TRPV5: variants seen among roughly 807,000 people sequenced by gnomAD.
TRPV5 encodes calcium transport protein 2.
In TRPV5, 66 loss-of-function variants were observed where a neutral mutation model predicts 74.1. The ratio of observed to expected loss-of-function variants is 0.89; its 90% CI spans 0.73 to 1.09. The LOEUF (loss-of-function observed/expected upper bound fraction) is 1.09, where lower values mean the gene tolerates loss of function less well. TRPV5 is among the 50% of genes least tolerant of loss of function. The probability of loss-of-function intolerance (pLI) is 0.00; values close to 1 mark genes in which losing one functional copy is unlikely to be tolerated. For synonymous variants in TRPV5, 399 were observed against 360.7 expected (o/e 1.11, Z -1.20); for missense variants, 936 against 930.4 (o/e 1.01, Z -0.08).
intron 13 of TRPV5, among the ~76,000 whole-genome samples, chr7:142,912,276 C>G (rs1329615665): frequency 1.3e-5 from 2 of 152,210 alleles, no homozygotes; most frequent in Non-Finnish European, 2.9e-5. Context: ...AACAACCCCA[C>G]CTCTTGCCAC....
intron 8 of TRPV5, among the ~76,000 whole-genome samples, chr7:142,917,084 T>A (rs10234523): frequency 0.02 from 3,104 of 151,510 alleles, 67 homozygotes; most frequent in Non-Finnish European, 0.035. Context: ...TTTTTGTGCG[T>A]TTTTTTTGTT....
At chr7:142,918,636 A>G (rs1372909868) in intron 8 of TRPV5, among the ~76,000 whole-genome samples, 1 of 152,212 alleles carries the variant, frequency 6.6e-6, no homozygotes, top group East Asian at 1.9e-4. Flanking sequence ...AATTCACTAG[A>G]TAATGTCTAA....
In TRPV5 at chr7:142,929,097, C is replaced by A; in HGVS notation, c.511G>T (p.Ala171Ser). ...ACGATCTCCTCGCTGTTCACACAGG[C>A]AGCAAAGGACAAAGGGTGCTCCCCT... is the stretch of plus-strand genomic sequence containing the variant. Reference protein sequence around the residue: ...YFGEHPLSFAACVNSEEIVRL... With the variant: ...YFGEHPLSFASCVNSEEIVRL... Residue 171 changes from alanine to serine, a missense_variant, in exon 5 of 15, where the codon GCC (alanine) becomes TCC (serine). Physicochemically the swap from Ala to Ser is moderately conservative, Grantham distance 99. Coordinates refer to ENST00000265310, the MANE Select transcript of TRPV5 (RefSeq NM_019841.7). 1 of 1,614,120 alleles carries A rather than the reference C, an allele frequency of 6.2e-7. No individual in the cohort carries two copies. Among genetic ancestry groups the A allele is most frequent in the South Asian group, 1.1e-5 (1 of 91,076 alleles).
chr7:142,933,238 C>G, intron 1 of TRPV5, 94 bp downstream of exon 1: 1 of 1,507,562 alleles, frequency 6.6e-7, no homozygotes, highest in Non-Finnish European at 9.0e-7. Context: ...TGACAATACA[C>G]TTCTAGGGTG....
At chr7:142,929,185 C>A in intron 4 of TRPV5, 65 bp from the exon 5 acceptor site, 1 of 1,577,064 alleles carries the variant, frequency 6.3e-7, no homozygotes, top group Middle Eastern at 1.7e-4. Context: ...GGCAGTCTCC[C>A]CCAAATAAGG....
chr7:142,916,888 A>C (rs1795808412), intron 8 of TRPV5, among the ~76,000 whole-genome samples: 1 of 108,740 alleles, frequency 9.2e-6, no homozygotes, highest in Non-Finnish European at 1.9e-5. Flanking sequence ...GACATCAGTC[A>C]ACACTTTTTT....
At chr7:142,921,343 G>T (rs754200689) in intron 8 of TRPV5, among the ~76,000 whole-genome samples, 23 of 152,110 alleles carry the variant, frequency 1.5e-4, no homozygotes, top group Non-Finnish European at 8.8e-5. Context: ...GTGCAATGGC[G>T]TGATCTCGGC....
intron 12 of TRPV5, among the ~76,000 whole-genome samples, chr7:142,914,367 T>A (rs1436558118): frequency 2.0e-5 from 3 of 152,158 alleles, no homozygotes; most frequent in Admixed American, 1.3e-4. Flanking sequence ...TTCCTGTCTC[T>A]CCTTTAAAGA....
intron 5 of TRPV5, 51 bp downstream of exon 5, chr7:142,928,971 G>C (rs1187107295): frequency 1.2e-6 from 2 of 1,612,756 alleles, no homozygotes; most frequent in East Asian, 2.2e-5. Context: ...TCCTTACCCT[G>C]TCCCTCGCTC....
Position 142,925,556 on chromosome 7 carries a change from G to A in TRPV5, c.1095C>T (p.Ile365=). 6.2e-7 allele frequency: 1 copy of A among 1,614,210 alleles called. No individual in the cohort carries two copies. Among genetic ancestry groups the A allele is most frequent in the Non-Finnish European group, 8.5e-7 (1 of 1,180,038 alleles). Residue 365 remains isoleucine (I), a synonymous_variant, in exon 8 of 15, where the codon ATC becomes ATT. Transcript: ENST00000265310. ...GTAGTAGTTTTTGCTGGAGGATGGT[G>A]ATGTCTCGAGAATGAGTGCGGTTGC... The part of the protein sequence containing the change: ...RGGNRTHSRD[I]TILQQKLLQE...
chr7:142,924,233 TA>T (rs1444828959), intron 8 of TRPV5, among the ~76,000 whole-genome samples: 1 of 140,314 alleles, frequency 7.1e-6, no homozygotes, highest in Non-Finnish European at 1.5e-5. Flanking sequence ...TATATACATA[TA>T]TATATATATA....
rs370191401 is a variant in TRPV5 at position 142,924,391 on chromosome 7, T to TATATATATAC, written c.1122+1137_1122+1138insGTATATATAT. Among the ~76,000 whole-genome samples the TATATATATAC allele has an allele frequency of 3.6e-5, 4 of 112,318 alleles. No homozygotes were observed. In the East Asian group the frequency reaches 8.7e-4, roughly 25 times the overall value. 73.7% of individuals were successfully genotyped at this position (112,318 alleles called of 152,430 possible). A position where few individuals can be genotyped will look rare whatever the true frequency, so the allele number is the denominator to read the frequency against. ...ATATATATACATATATATATATATA[T>TATATATATAC]ACATATACATGTATATATATAAAGG... On this transcript the variant is annotated intron_variant, in intron 8 of 14. Transcript: ENST00000265310.
intron 8 of TRPV5, among the ~76,000 whole-genome samples, chr7:142,924,355 CATATA>C: frequency 4.9e-5 from 1 of 20,558 alleles, no homozygotes; most frequent in South Asian, 1.7e-3. Context: ...TATATATAGA[CATATA>C]CATGTATATA....
chr7:142,912,530 G>A lies in TRPV5; in HGVS notation c.1740C>T (p.Asp580=). ...TCTCCTGGGCCACCCTCCAGTGGGT[G>A]TCGCCCATCATGGCGATGAACAAGT... ...MLNLFIAMMG[D]THWRVAQERD... is the part of the protein sequence containing the mutation. The change falls in exon 13 of 15, where the codon GAC becomes GAT. Residue 580 remains aspartate (D), a synonymous_variant. Transcript: ENST00000265310. 6.2e-7 allele frequency: 1 copy of A among 1,614,244 alleles called. No individual in the cohort carries two copies. Among genetic ancestry groups the A allele is most frequent in the Admixed American group, 1.7e-5 (1 of 60,036 alleles).
At chr7:142,914,450 A>G (rs1404363860) in intron 12 of TRPV5, among the ~76,000 whole-genome samples, 190 bp downstream of exon 12, 1 of 152,152 alleles carries the variant, frequency 6.6e-6, no homozygotes, top group African/African-American at 2.4e-5. Context: ...GGCCAACCTG[A>G]GTGGCCCCTG....
At chr7:142,919,263 G>A (rs1465399342) in intron 8 of TRPV5, among the ~76,000 whole-genome samples, 1 of 152,206 alleles carries the variant, frequency 6.6e-6, no homozygotes, top group Non-Finnish European at 1.5e-5. Context: ...AGAGCTTCCT[G>A]AGGGCAGGGA....
chr7:142,929,679 T>C (rs1796051528), intron 3 of TRPV5, 114 bp from the exon 4 acceptor site: 24 of 1,475,532 alleles, frequency 1.6e-5, no homozygotes, highest in Non-Finnish European at 2.2e-5. Context: ...GCTAGACTTC[T>C]GCCCTGGGCT....
At chr7:142,910,746 G>A (rs1410376739) in intron 13 of TRPV5, among the ~76,000 whole-genome samples, 1 of 152,238 alleles carries the variant, frequency 6.6e-6, no homozygotes, top group Non-Finnish European at 1.5e-5. Flanking sequence ...TCTTTGCCTT[G>A]AAAGAAATGT....
chr7:142,925,561 C>T lies in TRPV5; in HGVS notation c.1090G>A (p.Asp364Asn), dbSNP rs1405613632. The part of the protein sequence containing the change: ...FRGGNRTHSR[D>N]ITILQQKLLQ... ...AGTTTTTGCTGGAGGATGGTGATGT[C>T]TCGAGAATGAGTGCGGTTGCCACCA... Residue 364 changes from aspartate (D) to asparagine (N), a missense_variant, in exon 8 of 15, where the codon GAC becomes AAC. Transcript: ENST00000265310. 2 of 1,614,180 alleles carry T rather than the reference C, an allele frequency of 1.2e-6. No individual in the cohort carries two copies. Among genetic ancestry groups the T allele is most frequent in the South Asian group, 1.1e-5 (1 of 91,080 alleles).
Sources: gnomAD v4.1 joint callset for allele counts (sites outside exome capture counted in the v4.1 genomes callset) on GRCh38, gnomAD v4.1.1 for gene constraint, MANE v1.5 for transcripts, NCBI Gene and HGNC (gene_info 2026-07-23, HGNC 2026-07-21) for gene names.